PREX1: variants seen among roughly 807,000 people sequenced by gnomAD.
PREX1 encodes phosphatidylinositol-3,4,5-trisphosphate dependent Rac exchange factor 1.
A neutral mutation model predicts 198.3 loss-of-function variants in PREX1; 41 were observed. That is an observed-to-expected ratio of 0.21 (90% CI 0.16 to 0.27). The LOEUF (loss-of-function observed/expected upper bound fraction) is 0.27, where lower values mean the gene tolerates loss of function less well. Among genes scored for constraint, PREX1 ranks in the 10% least tolerant of loss-of-function variants. The probability of loss-of-function intolerance (pLI) is 1.00; values close to 1 mark genes in which losing one functional copy is unlikely to be tolerated. For synonymous variants in PREX1, 843 were observed against 887.2 expected, an observed-to-expected ratio of 0.95 and a Z score of 0.89; for missense variants, 1,620 against 2,200.7, an observed-to-expected ratio of 0.74 and a Z score of 5.28.
intron 36 of PREX1, 117 bp downstream of exon 36, chr20:48,630,611 A>G: frequency 1.2e-6 from 1 of 863,560 alleles, no homozygotes; most frequent in Non-Finnish European, 1.8e-6. Flanking sequence ...GCAGGGTCTC[A>G]AGGGCTTTGG....
intron 3 of PREX1, among the ~76,000 whole-genome samples, chr20:48,736,678 C>A (rs1054164529): frequency 6.6e-6 from 1 of 152,186 alleles, no homozygotes; most frequent in African/African-American, 2.4e-5. Context: ...GCTGGACACA[C>A]CTGGAACCAG....
chr20:48,734,891 G>A (rs1358211829), intron 3 of PREX1, among the ~76,000 whole-genome samples: 2 of 152,166 alleles, frequency 1.3e-5, no homozygotes, highest in African/African-American at 4.8e-5. Context: ...GTGGCCTGGG[G>A]GTCAAGAGCA....
intron 5 of PREX1, among the ~76,000 whole-genome samples, chr20:48,716,653 G>C (rs1218609221): frequency 6.6e-6 from 1 of 152,174 alleles, no homozygotes; most frequent in African/African-American, 2.4e-5. Flanking sequence ...GTCCAGGAGA[G>C]GTCACCCCAG....
At chr20:48,795,575 T>G (rs533467373) in intron 1 of PREX1, among the ~76,000 whole-genome samples, 1 of 151,690 alleles carries the variant, frequency 6.6e-6, no homozygotes, top group East Asian at 1.9e-4. Flanking sequence ...GCCCCAAATG[T>G]CACTAGAGCT....
In PREX1 at chr20:48,747,889, G is replaced by C. The variant is rs1412867726; in HGVS notation, c.220-9C>G. Reference sequence around the variant, plus strand: ...ATGCGATGCAGGAATGCCTGGAGGAGAGAAGCAGAGAGAGGTGAGTGTCCG... The same window carrying C: ...ATGCGATGCAGGAATGCCTGGAGGACAGAAGCAGAGAGAGGTGAGTGTCCG... On this transcript the variant is annotated splice_polypyrimidine_tract_variant and intron_variant, in intron 1 of 39. Coordinates refer to ENST00000371941, the MANE Select transcript of PREX1 (RefSeq NM_020820.4). 1 of 1,609,894 alleles carries C rather than the reference G, an allele frequency of 6.2e-7. No individual in the cohort carries two copies. The highest frequency in any genetic ancestry group is 2.2e-5 in the East Asian group (1 of 44,844).
At chr20:48,880,596 C>T in the PREX1 span, among the ~76,000 whole-genome samples, 1 of 152,052 alleles carries the variant, frequency 6.6e-6, no homozygotes, top group Non-Finnish European at 1.5e-5. Context: ...TCCTGTAATC[C>T]CAGTTTTCTT....
In PREX1 at chr20:48,681,260, C is replaced by T; in HGVS notation, c.1410G>A (p.Leu470=). The part of the protein sequence containing the change: ...TEEGVNLGQA[L]LENGIIHHVS... ...CATGGTGGATGATGCCATTCTCCAA[C>T]AGGGCTTGGCCCAAGTTGACTCCTT... Residue 470 remains leucine (L), a synonymous_variant, in exon 11 of 40, where the codon CTG becomes CTA. Coordinates refer to ENST00000371941, the MANE Select transcript of PREX1 (RefSeq NM_020820.4). 1 of 1,614,210 alleles carries T rather than the reference C, an allele frequency of 6.2e-7. No homozygotes were observed. The highest frequency in any genetic ancestry group is 8.5e-7 in the Non-Finnish European group (1 of 1,180,042).
At position 48,815,972 on chromosome 20, in the gene PREX1, T is replaced by C. The variant is rs1371433208; in HGVS notation, c.219+11670A>G. On this transcript the variant is annotated intron_variant, in intron 1 of 39. Coordinates refer to ENST00000371941, the MANE Select transcript of PREX1 (RefSeq NM_020820.4). ...TTGCAGTGAGCCGAGATTGCACCATTGCACTCCAGCCTTGGCAACAGAGTG... is the reference window on the plus strand; with the variant it reads ...TTGCAGTGAGCCGAGATTGCACCATCGCACTCCAGCCTTGGCAACAGAGTG... Among the ~76,000 whole-genome samples, 4 of 145,734 alleles carry C rather than the reference T, an allele frequency of 2.7e-5. No individual in the cohort carries two copies. In the East Asian group the frequency reaches 8.0e-4, roughly 29 times the overall value.
At chr20:48,729,784 T>C (rs563306167) in intron 4 of PREX1, among the ~76,000 whole-genome samples, 1 of 152,300 alleles carries the variant, frequency 6.6e-6, no homozygotes, top group South Asian at 2.1e-4. Flanking sequence ...AGCCCTGCAG[T>C]CGGTTGAATG....
intron 1 of PREX1, among the ~76,000 whole-genome samples, chr20:48,824,971 G>A (rs953015887): frequency 6.6e-6 from 1 of 152,146 alleles, no homozygotes; most frequent in African/African-American, 2.4e-5. Context: ...AGGGATTACC[G>A]TGCATTCTTC....
chr20:48,734,679 G>T, intron 3 of PREX1, 29 bp from the exon 4 acceptor site: 1 of 1,602,088 alleles, frequency 6.2e-7, no homozygotes, highest in South Asian at 1.1e-5. Flanking sequence ...GCCTGTGGGA[G>T]GCAGGTCATG....
intron 3 of PREX1, among the ~76,000 whole-genome samples, chr20:48,739,710 T>C (rs1238634507): frequency 6.6e-6 from 1 of 152,218 alleles, no homozygotes; most frequent in Non-Finnish European, 1.5e-5. Context: ...AGGAGATGCT[T>C]ACTATGTATT....
upstream of PREX1, among the ~76,000 whole-genome samples, chr20:48,828,115 C>T (rs1458214998): frequency 6.7e-6 from 1 of 149,266 alleles, no homozygotes; most frequent in African/African-American, 2.4e-5. Context: ...GCGCCAGGGA[C>T]CGTCTGCCAA....
chr20:48,716,301 T>C (rs916519676), intron 5 of PREX1, among the ~76,000 whole-genome samples: 1 of 152,214 alleles, frequency 6.6e-6, no homozygotes, highest in Non-Finnish European at 1.5e-5. Flanking sequence ...CACCTCCCTC[T>C]CGCCCCTGCA....
chr20:48,752,784 A>G (rs752996835), intron 1 of PREX1, among the ~76,000 whole-genome samples: 8 of 152,102 alleles, frequency 5.3e-5, no homozygotes, highest in Admixed American at 1.3e-4. Context: ...CCCTTGAATC[A>G]GTCTCGGGTC....
At chr20:48,850,879 C>G in the PREX1 span, among the ~76,000 whole-genome samples, 1 of 152,202 alleles carries the variant, frequency 6.6e-6, no homozygotes, top group African/African-American at 2.4e-5. Flanking sequence ...TTGACAAACT[C>G]TGGCCACCAG....
intron 5 of PREX1, among the ~76,000 whole-genome samples, chr20:48,714,846 T>C (rs541079517): frequency 2.1e-4 from 32 of 152,318 alleles, no homozygotes; most frequent in African/African-American, 6.7e-4. Context: ...AAAAAGTTCC[T>C]ACTGCTTCAC....
chr20:48,659,220 G>A (rs371873008), intron 16 of PREX1, among the ~76,000 whole-genome samples: 1 of 139,336 alleles, frequency 7.2e-6, no homozygotes, highest in Non-Finnish European at 1.6e-5. Flanking sequence ...AAAGAAAGGG[G>A]AGGAGAGAAA....
chr20:48,803,857 T>C (rs2090398349), intron 1 of PREX1, among the ~76,000 whole-genome samples: 1 of 152,234 alleles, frequency 6.6e-6, no homozygotes, highest in South Asian at 2.1e-4. Context: ...GATCCAACTG[T>C]GCCTGAGGCC....
Sources: gnomAD v4.1 joint callset for allele counts (sites outside exome capture counted in the v4.1 genomes callset) on GRCh38, gnomAD v4.1.1 for gene constraint, MANE v1.5 for transcripts, NCBI Gene and HGNC (gene_info 2026-07-23, HGNC 2026-07-21) for gene names.